RPSA: variants seen among roughly 807,000 people sequenced by gnomAD.
The protein encoded by RPSA is small ribosomal subunit protein uS2.
For synonymous variants in RPSA, 103 were observed against 126.7 expected (o/e 0.81, Z 1.25); for missense variants, 140 against 372.8 (o/e 0.38, Z 5.14).
In RPSA at chr3:39,411,898, T is replaced by C. The variant is rs764085061; in HGVS notation, c.630T>C (p.Ile210=). ...CCTCTTTTTTTTTTGTAACCCAGAT[T>C]GAAAAAGAAGAGCAGGCTGCTGCTG... is the stretch of plus-strand genomic sequence containing the variant. ...DLYFYRDPEE[I]EKEEQAAAEK... Residue 210 remains isoleucine (I), a splice_region_variant and synonymous_variant, in exon 6 of 7, where the codon ATT becomes ATC. Coordinates refer to ENST00000301821, the MANE Select transcript of RPSA (RefSeq NM_002295.6). The C allele has an allele frequency of 6.9e-6, 11 of 1,599,464 alleles. No homozygotes were observed. The South Asian group carries it at 9.9e-5, about 14-fold the overall frequency.
At chr3:39,408,956 G>GGTGCCT in intron 3 of RPSA, 1 of 446,570 alleles carries the variant, frequency 2.2e-6, no homozygotes, top group South Asian at 2.2e-5. Flanking sequence ...CGTGGGGGCG[G>GGTGCCT]GTGCCTGTAG....
rs751604540 is a variant in RPSA, at chr3:39,408,430, T to C, written c.134-176T>C. On this transcript the variant is annotated intron_variant, in intron 2 of 6. Coordinates refer to ENST00000301821, the MANE Select transcript of RPSA (RefSeq NM_002295.6). The stretch of plus-strand genomic sequence containing the variant: ...GCTCAGGGTGGAGGCCAGTCTTGGC[T>C]CATGAACTTCTGAGTGTCGGAAGTG... 8 of 769,344 alleles carry C rather than the reference T, an allele frequency of 1.0e-5. 1 individual carries two copies. The South Asian group carries it at 1.1e-4, about 10-fold the overall frequency. 47.7% of individuals were successfully genotyped at this position (769,344 alleles called of 1,614,324 possible). A position where few individuals can be genotyped will look rare whatever the true frequency, so the allele number is the denominator to read the frequency against.
chr3:39,410,819 A>G lies in RPSA; in HGVS notation c.318A>G (p.Gly106=). 6.2e-7 allele frequency: 1 copy of G among 1,609,186 alleles called. No homozygotes were observed. The change falls in exon 4 of 7, where the codon GGA becomes GGG. Residue 106 remains glycine, a synonymous_variant. Coordinates refer to ENST00000301821, the MANE Select transcript of RPSA (RefSeq NM_002295.6). Reference sequence around the variant, plus strand: ...CAATTGCTGGCCGCTTCACTCCTGGAACCTTCACTAACCAGATCCAGGCAG... The same window carrying G: ...CAATTGCTGGCCGCTTCACTCCTGGGACCTTCACTAACCAGATCCAGGCAG... ...ATPIAGRFTP[G]TFTNQIQAAF... is the part of the protein sequence containing the mutation.
At chr3:39,409,521 C>A (rs556766684) in intron 3 of RPSA, among the ~76,000 whole-genome samples, 3 of 152,212 alleles carry the variant, frequency 2.0e-5, no homozygotes, top group African/African-American at 7.2e-5. Flanking sequence ...TTTCAACATA[C>A]ATGCTGGGCA....
chr3:39,407,770 T>C lies in RPSA; in HGVS notation c.117T>C (p.Tyr39=). 1 of 1,598,140 alleles carries C rather than the reference T, an allele frequency of 6.3e-7. No homozygotes were observed. Among genetic ancestry groups the C allele is most frequent in the Non-Finnish European group, 8.5e-7 (1 of 1,179,530 alleles). ...NLDFQMEQYI[Y]KRKSDGIYII... ...ACTTCCAGATGGAACAGTACATCTATAAAAGGAAAAGTGATGGTTAGTCAT... is the reference window on the plus strand; with the variant it reads ...ACTTCCAGATGGAACAGTACATCTACAAAAGGAAAAGTGATGGTTAGTCAT... The change falls in exon 2 of 7, where the codon TAT becomes TAC. Residue 39 remains tyrosine (Y), a synonymous_variant. Coordinates refer to ENST00000301821, the MANE Select transcript of RPSA (RefSeq NM_002295.6).
intron 3 of RPSA, among the ~76,000 whole-genome samples, chr3:39,409,161 C>T (rs1456966887): frequency 1.4e-5 from 2 of 141,206 alleles, no homozygotes; most frequent in East Asian, 2.1e-4. Flanking sequence ...CCATAGAAAT[C>T]GCCCTTATGA....
chr3:39,410,707 T>C, intron 3 of RPSA, 47 bp from the exon 4 acceptor site: 2 of 1,613,486 alleles, frequency 1.2e-6, no homozygotes, highest in Non-Finnish European at 1.7e-6. Context: ...GTGCCAGGAT[T>C]GTTGCTGTGG....
chr3:39,411,120 T>C (rs771981123), intron 4 of RPSA, 121 bp downstream of exon 4: 21 of 1,292,560 alleles, frequency 1.6e-5, no homozygotes, highest in South Asian at 1.2e-5. Context: ...GTGTAGGTAG[T>C]GTGCTACATG....
intron 2 of RPSA, chr3:39,408,271 G>GT (rs1575254870): frequency 4.2e-6 from 2 of 481,066 alleles, no homozygotes; most frequent in East Asian, 9.1e-5. Context: ...TCTTGCATCA[G>GT]TGCAGATTAT....
In RPSA at chr3:39,408,657, C is replaced by G. The variant is rs1197554509; in HGVS notation, c.185C>G (p.Ala62Gly). 6.2e-7 allele frequency: 1 copy of G among 1,613,590 alleles called. No homozygotes were observed. Among genetic ancestry groups the G allele is most frequent in the Non-Finnish European group, 8.5e-7 (1 of 1,179,468 alleles). Residue 62 changes from alanine (A) to glycine (G), a missense_variant, in exon 3 of 7, where the codon GCT becomes GGT. Physicochemically the swap from Ala to Gly is moderately conservative, Grantham distance 60. Coordinates refer to ENST00000301821, the MANE Select transcript of RPSA (RefSeq NM_002295.6). The part of the protein sequence containing the change: ...KRTWEKLLLA[A>G]RAIVAIENPA... Reference sequence around the variant, plus strand: ...ACCTGGGAGAAGCTTCTGCTGGCAGCTCGTGCAATTGTTGCCATTGAAAAC... The same window carrying G: ...ACCTGGGAGAAGCTTCTGCTGGCAGGTCGTGCAATTGTTGCCATTGAAAAC...
At chr3:39,408,428 G>T in intron 2 of RPSA, 178 bp from the exon 3 acceptor site, 2 of 768,158 alleles carry the variant, frequency 2.6e-6, no homozygotes, top group Non-Finnish European at 4.8e-6. Flanking sequence ...GCCAGTCTTG[G>T]CTCATGAACT....
Position 39,407,698 on chromosome 3 carries a change from C to T in RPSA, c.45C>T (p.Val15=), listed in dbSNP as rs544244696. 6.3e-7 allele frequency: 1 copy of T among 1,593,338 alleles called. No individual in the cohort carries two copies. Among genetic ancestry groups the T allele is most frequent in the East Asian group, 2.2e-5 (1 of 44,862 alleles). The change falls in exon 2 of 7, where the codon GTC becomes GTT. Residue 15 remains valine (V), a synonymous_variant. Coordinates refer to ENST00000301821, the MANE Select transcript of RPSA (RefSeq NM_002295.6). The stretch of plus-strand genomic sequence containing the variant: ...TCCTGCAAATGAAGGAGGAGGATGT[C>T]CTTAAGTTCCTTGCAGCAGGAACCC... ...LDVLQMKEED[V]LKFLAAGTHL... is the part of the protein sequence containing the mutation.
Position 39,412,433 on chromosome 3 carries a change from C to G in RPSA, c.*65C>G, listed in dbSNP as rs1335053880. On this transcript the variant is annotated 3_prime_UTR_variant, in exon 7 of 7. Transcript: ENST00000301821. ...GTTGATGGAAAATAAACATCAGTTT[C>G]TAAAAGTTGTCTTCATTTAGTTTGC... 2 of 924,614 alleles carry G rather than the reference C, an allele frequency of 2.2e-6. No individual in the cohort carries two copies. Among genetic ancestry groups the G allele is most frequent in the African/African-American group, 1.6e-5 (1 of 60,674 alleles). 57.3% of individuals were successfully genotyped at this position (924,614 alleles called of 1,614,324 possible).
intron 2 of RPSA, 167 bp downstream of exon 2, chr3:39,407,953 G>C (rs1170302793): frequency 1.7e-6 from 1 of 594,994 alleles, no homozygotes; most frequent in East Asian, 2.9e-5. Flanking sequence ...TGAGAGAAAA[G>C]ATTTCTGCTC....
At chr3:39,410,686 G>T in intron 3 of RPSA, 68 bp from the exon 4 acceptor site, 2 of 1,592,820 alleles carry the variant, frequency 1.3e-6, no homozygotes, top group South Asian at 2.2e-5. Context: ...GTGCCCAGAA[G>T]TGCTTACTGG....
rs1354193638 is a variant in RPSA at position 39,410,959 on chromosome 3, C to G, written c.458C>G (p.Pro153Arg). ...ATTGCGCTGTGTAACACAGATTCTCCTCTGCGCTATGTGGACATTGCCATC... is the reference window on the plus strand; with the variant it reads ...ATTGCGCTGTGTAACACAGATTCTCGTCTGCGCTATGTGGACATTGCCATC... ...PTIALCNTDSPLRYVDIAIPC... is the reference protein window; with the variant it reads ...PTIALCNTDSRLRYVDIAIPC... The change falls in exon 4 of 7, where the codon CCT becomes CGT. Residue 153 changes from proline to arginine, a missense_variant. Coordinates refer to ENST00000301821, the MANE Select transcript of RPSA (RefSeq NM_002295.6). 1 of 1,599,426 alleles carries G rather than the reference C, an allele frequency of 6.3e-7. No individual in the cohort carries two copies. Among genetic ancestry groups the G allele is most frequent in the South Asian group, 1.1e-5 (1 of 91,076 alleles).
intron 3 of RPSA, among the ~76,000 whole-genome samples, chr3:39,409,309 C>T (rs2041970608): frequency 6.8e-6 from 1 of 147,790 alleles, no homozygotes; most frequent in African/African-American, 2.5e-5. Context: ...TCAAGGGATT[C>T]TCCTGCCTCA....
At chr3:39,411,119 G>A in intron 4 of RPSA, 120 bp downstream of exon 4, 2 of 1,306,190 alleles carry the variant, frequency 1.5e-6, no homozygotes, top group Non-Finnish European at 2.2e-6. Context: ...AGTGTAGGTA[G>A]TGTGCTACAT....
intron 3 of RPSA, 99 bp from the exon 4 acceptor site, chr3:39,410,652 GAGT>G: frequency 7.8e-7 from 1 of 1,288,364 alleles, no homozygotes; most frequent in East Asian, 2.3e-5. Context: ...GCTTTACATG[GAGT>G]AGTAGTGATT....
Sources: allele counts gnomAD v4.1 joint callset (sites outside exome capture counted in the v4.1 genomes callset), GRCh38; gene constraint gnomAD v4.1.1; transcripts MANE v1.5; gene names NCBI Gene and HGNC (gene_info 2026-07-23, HGNC 2026-07-21).